Variants in MED25 observed in about 807,000 individuals in gnomAD.
MED25 encodes mediator complex subunit 25.
Under a neutral mutation model 89.4 loss-of-function variants are expected in MED25, and 62 were observed. The ratio of observed to expected loss-of-function variants is 0.69; its 90% CI spans 0.57 to 0.86. The LOEUF (loss-of-function observed/expected upper bound fraction) is 0.86. Ranked by LOEUF, MED25 falls within the 40% of genes least tolerant of loss-of-function variation. MED25 has a pLI of 0.00. For missense variants in MED25, 905 were observed against 1,005.2 expected, an observed-to-expected ratio of 0.90 and a Z score of 1.35; for synonymous variants, 449 against 427.9, an observed-to-expected ratio of 1.05 and a Z score of -0.61.
At chr19:49,824,879 G>A (rs910248727) in intron 3 of MED25, among the ~76,000 whole-genome samples, 4 of 152,140 alleles carry the variant, frequency 2.6e-5, no homozygotes, top group South Asian at 2.1e-4. Flanking sequence ...CCTGTTAGCC[G>A]ATGAAAGCGG....
intron 3 of MED25, chr19:49,819,762 TG>T: frequency 3.2e-6 from 1 of 314,958 alleles, no homozygotes; most frequent in South Asian, 2.8e-5. Context: ...ATGGGTACAT[TG>T]TAGCCTCAGT....
intron 2 of MED25, 72 bp from the exon 3 acceptor site, chr19:49,819,100 G>A: frequency 6.3e-7 from 1 of 1,575,388 alleles, no homozygotes; most frequent in South Asian, 1.1e-5. Flanking sequence ...GAAGCTGGGA[G>A]CCCTGATTCC....
rs1176872700 is a variant in MED25, at chr19:49,832,416, G to GT, written c.1482+2dup. On this transcript the variant is annotated splice_donor_variant, in intron 13 of 17. Coordinates refer to ENST00000312865, the MANE Select transcript of MED25 (RefSeq NM_030973.4). LOFTEE classifies it high-confidence loss of function. ...CTACCGCATCATGGGCAACGGCTTC[G>GT]TGAGTCCAGGGCATGGGGGGCCGAG... is the stretch of plus-strand genomic sequence containing the variant. The GT allele has an allele frequency of 1.3e-6, 2 of 1,556,642 alleles. No homozygotes were observed. Among genetic ancestry groups the GT allele is most frequent in the African/African-American group, 2.7e-5 (2 of 73,810 alleles).
rs763605081 is a variant in MED25 at position 49,835,792 on chromosome 19, G to C, written c.1812G>C (p.Gln604His). 4.4e-6 allele frequency: 7 copies of C among 1,608,240 alleles called. No homozygotes were observed. In the South Asian group the frequency reaches 7.7e-5, roughly 18 times the overall value. ...GTVGASGATG[Q>H]PQPQGTAQPP... ...TAGGGGCCTCTGGGGCCACGGGGCAGCCCCAGCCCCAAGGTACTGCCCAGC... is the reference window on the plus strand; with the variant it reads ...TAGGGGCCTCTGGGGCCACGGGGCACCCCCAGCCCCAAGGTACTGCCCAGC... Residue 604 changes from glutamine to histidine, a missense_variant, in exon 16 of 18, where the codon CAG becomes CAC. Transcript: ENST00000312865. This position sits in a 1 kb window ranked among gnomAD's most constrained non-coding sequence, Gnocchi z 6.2.
chr19:49,818,679 A>G (rs2073957275), intron 2 of MED25, 63 bp downstream of exon 2: 1 of 1,490,196 alleles, frequency 6.7e-7, no homozygotes, highest in Non-Finnish European at 9.3e-7. Context: ...CCTGGGTCTG[A>G]GGGAGGGAGA....
Position 49,831,458 on chromosome 19 carries a change from A to G in MED25, c.1227A>G (p.Gln409=), listed in dbSNP as rs769851706. ...LLAWSGVLEW[Q]EKPKPASVDA... ...CCTGGAGCGGGGTCCTGGAGTGGCA[A>G]GAGGTGAGGGGCCTGAGGGTCCATT... The change falls in exon 10 of 18, where the codon CAA becomes CAG. Residue 409 remains glutamine, a synonymous_variant. Transcript: ENST00000312865. This position sits in a 1 kb window ranked among gnomAD's most constrained non-coding sequence, Gnocchi z 5.0. The G allele has an allele frequency of 3.2e-5, 51 of 1,612,178 alleles. No homozygotes were observed. In the Admixed American group the frequency reaches 3.5e-4, roughly 11 times the overall value.
chr19:49,828,367 C>T, intron 3 of MED25, 82 bp from the exon 4 acceptor site: 1 of 939,426 alleles, frequency 1.1e-6, no homozygotes, highest in Non-Finnish European at 1.8e-6. Context: ...GAGTGGGGGA[C>T]AGCATGGGAG....
At position 49,831,418 on chromosome 19, in the gene MED25, C is replaced by T. The variant is rs1302137520; in HGVS notation, c.1187C>T (p.Ser396Phe). ...APALGGQQSV[S>F]NKLLAWSGVL... ...GCCCTCGGTGGGCAGCAGTCAGTCT[C>T]CAATAAGCTTCTGGCCTGGAGCGGG... The change falls in exon 10 of 18, where the codon TCC (serine) becomes TTC (phenylalanine). Residue 396 changes from serine (S) to phenylalanine (F), a missense_variant. Ser to Phe is a radical substitution (Grantham distance 155). Around this residue, in one of 3 missense-constraint regions of MED25, gnomAD observed 133 missense variants for 220.2 expected, o/e 0.60. Coordinates refer to ENST00000312865, the MANE Select transcript of MED25 (RefSeq NM_030973.4). The surrounding 1 kb of genome is among the most constrained non-coding windows in gnomAD (Gnocchi z 5.0). 4 of 1,612,018 alleles carry T rather than the reference C, an allele frequency of 2.5e-6. No individual in the cohort carries two copies. Among genetic ancestry groups the T allele is most frequent in the Non-Finnish European group, 3.4e-6 (4 of 1,179,254 alleles).
At chr19:49,826,543 C>G (rs536769923) in intron 3 of MED25, among the ~76,000 whole-genome samples, 22 of 152,176 alleles carry the variant, frequency 1.4e-4, no homozygotes, top group Non-Finnish European at 2.9e-4. Context: ...CCCTGCCAGG[C>G]CACCAGTGCA....
At chr19:49,822,470 C>T (rs749483969) in intron 3 of MED25, among the ~76,000 whole-genome samples, 14 of 151,598 alleles carry the variant, frequency 9.2e-5, no homozygotes, top group Admixed American at 2.0e-4. Context: ...AGACAAGGTC[C>T]TGCAATGTTG....
chr19:49,836,264 C>T lies in MED25; in HGVS notation c.2004C>T (p.His668=). ...TGVPPPQASL[H]HLQPPGAPAL... ...TGCCCCCACCCCAGGCCTCCCTCCA[C>T]CACCTCCAGCCACCAGGGGCTCCTG... The change falls in exon 17 of 18, where the codon CAC becomes CAT. Residue 668 remains histidine, a synonymous_variant. Transcript: ENST00000312865. This position sits in a 1 kb window ranked among gnomAD's most constrained non-coding sequence, Gnocchi z 5.1. 2 of 1,612,472 alleles carry T rather than the reference C, an allele frequency of 1.2e-6. No individual in the cohort carries two copies. The highest frequency in any genetic ancestry group is 3.4e-4 in the Middle Eastern group (2 of 5,962).
chr19:49,828,338 A>C, intron 3 of MED25, 111 bp from the exon 4 acceptor site: 1 of 775,034 alleles, frequency 1.3e-6, no homozygotes, highest in East Asian at 2.5e-5. Context: ...CGTCATCCCA[A>C]GGTGCATAGC....
Position 49,830,889 on chromosome 19 carries a change from T to A in MED25, c.1101+2T>A. 6.2e-7 allele frequency: 1 copy of A among 1,608,202 alleles called. No individual in the cohort carries two copies. Among genetic ancestry groups the A allele is most frequent in the African/African-American group, 1.3e-5 (1 of 74,998 alleles). On this transcript the variant is annotated splice_donor_variant, in intron 9 of 17. Transcript: ENST00000312865. LOFTEE classifies it high-confidence loss of function. This position sits in a 1 kb window ranked among gnomAD's most constrained non-coding sequence, Gnocchi z 4.6. ...GCACAGCCCGGGGCACCGTCCATGGTAGGTGCCTGCACGCCTCCTGCCCCT... is the reference window on the plus strand; with the variant it reads ...GCACAGCCCGGGGCACCGTCCATGGAAGGTGCCTGCACGCCTCCTGCCCCT...
intron 3 of MED25, among the ~76,000 whole-genome samples, chr19:49,825,674 A>G (rs950486789): frequency 3.9e-5 from 6 of 151,910 alleles, no homozygotes; most frequent in African/African-American, 1.4e-4. Flanking sequence ...TCTACTAAAA[A>G]TACAAAATTA....
rs146715554 is a variant in MED25 at position 49,830,825 on chromosome 19, G to C, written c.1039G>C (p.Val347Leu). ...KPPPASQPSL[V>L]STVAPGSGLA... ...ACCACCTGCTTCCCAGCCCAGTCTGGTCTCCACTGTGGCCCCTGGCTCCGG... is the reference window on the plus strand; with the variant it reads ...ACCACCTGCTTCCCAGCCCAGTCTGCTCTCCACTGTGGCCCCTGGCTCCGG... Residue 347 changes from valine to leucine, a missense_variant, in exon 9 of 18, where the codon GTC (valine) becomes CTC (leucine). Val to Leu is a conservative substitution (Grantham distance 32). Coordinates refer to ENST00000312865, the MANE Select transcript of MED25 (RefSeq NM_030973.4). The surrounding 1 kb of genome is among the most constrained non-coding windows in gnomAD (Gnocchi z 4.6). 4.3e-5 allele frequency: 69 copies of C among 1,613,128 alleles called. No homozygotes were observed. Among genetic ancestry groups the C allele is most frequent in the Non-Finnish European group, 5.8e-5 (68 of 1,179,900 alleles).
Position 49,819,237 on chromosome 19 carries a change from A to G in MED25, c.246A>G (p.Val82=), listed in dbSNP as rs2073964117. The G allele has an allele frequency of 1.2e-6, 2 of 1,614,100 alleles. No homozygotes were observed. Among genetic ancestry groups the G allele is most frequent in the African/African-American group, 2.7e-5 (2 of 74,938 alleles). ...TGGACTGCGCTCCCGAGTCCTACGT[A>G]CAATGTCACGCTCCCACCAGCAGCG... ...NTVDCAPESY[V]QCHAPTSSAY... The change falls in exon 3 of 18, where the codon GTA becomes GTG. Residue 82 remains valine (V), a synonymous_variant. Transcript: ENST00000312865.
At chr19:49,825,588 T>G (rs1042752342) in intron 3 of MED25, among the ~76,000 whole-genome samples, 21 of 151,834 alleles carry the variant, frequency 1.4e-4, no homozygotes, top group African/African-American at 4.8e-4. Context: ...ATTCCAGCAC[T>G]TTGGGAGGGT....
In MED25 at chr19:49,836,974, A is replaced by C; in HGVS notation, c.*30A>C. Reference sequence around the variant, plus strand: ...CCAACACCCAATAAAGTTCCTTTTTAACACACGCCCCGGCTCCCGTCACTG... The same window carrying C: ...CCAACACCCAATAAAGTTCCTTTTTCACACACGCCCCGGCTCCCGTCACTG... On this transcript the variant is annotated 3_prime_UTR_variant, in exon 18 of 18. Transcript: ENST00000312865. The surrounding 1 kb of genome is among the most constrained non-coding windows in gnomAD (Gnocchi z 5.1). 6.4e-7 allele frequency: 1 copy of C among 1,556,658 alleles called. No individual in the cohort carries two copies. The highest frequency in any genetic ancestry group is 8.8e-7 in the Non-Finnish European group (1 of 1,133,580).
In MED25 at chr19:49,835,524, C is replaced by G; in HGVS notation, c.1675-10C>G. ...CTCAGTTACTGACCTGCCCCTCTCT[C>G]CCCGTGCAGATGGGGGGACAGCAGG... On this transcript the variant is annotated splice_polypyrimidine_tract_variant and intron_variant, in intron 14 of 17. Coordinates refer to ENST00000312865, the MANE Select transcript of MED25 (RefSeq NM_030973.4). The surrounding 1 kb of genome is among the most constrained non-coding windows in gnomAD (Gnocchi z 6.2). 1 of 1,548,762 alleles carries G rather than the reference C, an allele frequency of 6.5e-7. No individual in the cohort carries two copies. Among genetic ancestry groups the G allele is most frequent in the Non-Finnish European group, 8.7e-7 (1 of 1,146,794 alleles).
Sources: allele counts gnomAD v4.1 joint callset (sites outside exome capture counted in the v4.1 genomes callset), GRCh38; gene constraint gnomAD v4.1.1; regional missense constraint gnomAD v4.1.1; non-coding constraint Gnocchi (gnomAD v3.1); transcripts MANE v1.5; gene names NCBI Gene and HGNC (gene_info 2026-07-23, HGNC 2026-07-21).